Variants in AGL observed in about 807,000 individuals in gnomAD.
AGL encodes amylo-alpha-1,6-glucosidase and 4-alpha-glucanotransferase.
A neutral mutation model predicts 199.3 loss-of-function variants in AGL; 128 were observed. That is an observed-to-expected ratio of 0.64 (90% CI 0.56 to 0.74). The LOEUF (loss-of-function observed/expected upper bound fraction) is 0.74. Among genes scored for constraint, AGL ranks in the 30% least tolerant of loss-of-function variants. AGL has a pLI of 0.00. For synonymous variants in AGL, 584 were observed against 594.7 expected (o/e 0.98, Z 0.26); for missense variants, 1,809 against 1,820.8 (o/e 0.99, Z 0.12).
intron 33 of AGL, among the ~76,000 whole-genome samples, chr1:99,920,062 C>T (rs1655410213): frequency 6.6e-6 from 1 of 152,204 alleles, no homozygotes; most frequent in African/African-American, 2.4e-5. Context: ...GGATACATTC[C>T]ATGTCCTAGT....
rs368822142 is a variant in AGL at position 99,897,075 on chromosome 1, G to A, written c.3362+687G>A. Among the ~76,000 whole-genome samples, 9 of 152,112 alleles carry A rather than the reference G, an allele frequency of 5.9e-5. No homozygotes were observed. The East Asian group carries it at 7.7e-4, about 13-fold the overall frequency. ...TGTGATTTGCCTGCCTCGGCCTCCC[G>A]AAGTGCTGGGATTACAGGCGTGAGC... On this transcript the variant is annotated intron_variant, in intron 25 of 33. Transcript: ENST00000361915.
At position 99,902,775 on chromosome 1, in the gene AGL, T is replaced by G; in HGVS notation, c.3681T>G (p.Asp1227Glu). The G allele has an allele frequency of 6.2e-7, 1 of 1,612,948 alleles. No individual in the cohort carries two copies. Among genetic ancestry groups the G allele is most frequent in the Non-Finnish European group, 8.5e-7 (1 of 1,179,162 alleles). ...AAAGGAATGCTGGTCCCCAGATAGA[T>G]CGAAACATGAAGGACGAAGGTACAG... ...FRERNAGPQI[D>E]RNMKDEGFNI... Residue 1227 changes from aspartate (D) to glutamate (E), a missense_variant, in exon 27 of 34, where the codon GAT becomes GAG. By Grantham distance (45) the Asp-to-Glu change is conservative (BLOSUM62 2). Coordinates refer to ENST00000361915, the MANE Select transcript of AGL (RefSeq NM_000642.3).
chr1:99,859,486 A>G (rs1360630648), intron 2 of AGL, among the ~76,000 whole-genome samples: 1 of 152,112 alleles, frequency 6.6e-6, no homozygotes, highest in Non-Finnish European at 1.5e-5. Flanking sequence ...TTTTTTCCAG[A>G]AGATATTTTA....
At chr1:99,854,397 A>G (rs937321083) in intron 2 of AGL, among the ~76,000 whole-genome samples, 2 of 152,210 alleles carry the variant, frequency 1.3e-5, no homozygotes, top group African/African-American at 4.8e-5. Flanking sequence ...AAAACCGGTA[A>G]ATGTATCCAA....
chr1:99,876,818 T>G (rs1042383653), intron 11 of AGL, among the ~76,000 whole-genome samples: 23 of 152,246 alleles, frequency 1.5e-4, no homozygotes, highest in African/African-American at 5.5e-4. Context: ...ACCTTTTATC[T>G]TCTCAAACAG....
Position 99,900,765 on chromosome 1 carries a change from C to T in AGL, c.3492C>T (p.Tyr1164=), listed in dbSNP as rs370202718. 9 of 1,614,050 alleles carry T rather than the reference C, an allele frequency of 5.6e-6. No individual in the cohort carries two copies. The highest frequency in any genetic ancestry group is 6.8e-6 in the Non-Finnish European group (8 of 1,179,980). The change falls in exon 26 of 34, where the codon TAC becomes TAT. Residue 1164 remains tyrosine (Y), a synonymous_variant. Coordinates refer to ENST00000361915, the MANE Select transcript of AGL (RefSeq NM_000642.3). ...GGTGGCTGCAGTGTATCCAGGATTA[C>T]TGTAAAATGGTTCCAAATGGTCTAG... ...VWWWLQCIQD[Y]CKMVPNGLDI...
At chr1:99,897,597 A>G (rs1201066317) in intron 25 of AGL, among the ~76,000 whole-genome samples, 1 of 152,222 alleles carries the variant, frequency 6.6e-6, no homozygotes, top group Non-Finnish European at 1.5e-5. Context: ...TATTACCATT[A>G]TGGAGCTATA....
intron 25 of AGL, among the ~76,000 whole-genome samples, chr1:99,899,681 C>T (rs938122224): frequency 2.0e-5 from 3 of 151,342 alleles, no homozygotes; most frequent in African/African-American, 4.9e-5. Context: ...AGTGCCGTGG[C>T]GCAATCTCCG....
chr1:99,884,580 A>ATC lies in AGL; in HGVS notation c.2559_2560dup (p.Pro854LeufsTer15). On this transcript the variant is annotated frameshift_variant, in exon 20 of 34. Transcript: ENST00000361915. LOFTEE classifies it high-confidence loss of function. Reference sequence around the variant, plus strand: ...ATTAACATTTTCAGAGTTAGTCTTGATCCACATGCACAAGTCGCTGTTGGA... The same window carrying ATC: ...ATTAACATTTTCAGAGTTAGTCTTGATCTCCACATGCACAAGTCGCTGTTGGA... 1 of 1,613,998 alleles carries ATC rather than the reference A, an allele frequency of 6.2e-7. No homozygotes were observed. The highest frequency in any genetic ancestry group is 8.5e-7 in the Non-Finnish European group (1 of 1,179,968).
intron 21 of AGL, among the ~76,000 whole-genome samples, chr1:99,889,708 C>T (rs34764737): frequency 0.072 from 10,920 of 152,218 alleles, 476 homozygotes; most frequent in South Asian, 0.17. Context: ...AAAGACCAAA[C>T]TTGTGTGTGC....
Position 99,884,138 on chromosome 1 carries a change from T to C in AGL, c.2327T>C (p.Val776Ala). 1 of 1,612,206 alleles carries C rather than the reference T, an allele frequency of 6.2e-7. No homozygotes were observed. The highest frequency in any genetic ancestry group is 8.5e-7 in the Non-Finnish European group (1 of 1,178,640). The change falls in exon 18 of 34, where the codon GTT becomes GCT. Residue 776 changes from valine to alanine, a missense_variant. Transcript: ENST00000361915. ...MCIPGKIEEV[V>A]LEARTIERNT... ...TTCCTAGGCAAAATTGAAGAAGTAG[T>C]TCTTGAAGCTAGAACTATTGAGAGA...
upstream of AGL, among the ~76,000 whole-genome samples, chr1:99,849,498 G>GA (rs1055370568): frequency 8.9e-4 from 136 of 152,162 alleles, no homozygotes; most frequent in Non-Finnish European, 1.6e-3. Flanking sequence ...AATCTCAGAC[G>GA]ATCTCCGGGT....
At chr1:99,879,605 A>AATAG (rs1234961188) in intron 12 of AGL, among the ~76,000 whole-genome samples, 1 of 152,082 alleles carries the variant, frequency 6.6e-6, no homozygotes, top group African/African-American at 2.4e-5. Context: ...TAAATAAATA[A>AATAG]ATAAGCAAAC....
chr1:99,858,369 G>A (rs1164156661), intron 2 of AGL, among the ~76,000 whole-genome samples: 1 of 152,210 alleles, frequency 6.6e-6, no homozygotes, highest in Non-Finnish European at 1.5e-5. Context: ...GAAGGAAATT[G>A]ATGCTTGGAG....
At chr1:99,866,186 G>A (rs1238459307) in intron 5 of AGL, among the ~76,000 whole-genome samples, 1 of 152,138 alleles carries the variant, frequency 6.6e-6, no homozygotes, top group Non-Finnish European at 1.5e-5. Context: ...ATTGAAATCA[G>A]ATTTATCAAA....
In AGL at chr1:99,880,911, C is replaced by T. The variant is rs1651962216; in HGVS notation, c.1899+116C>T. Reference sequence around the variant, plus strand: ...TCAAAATAGTGTCTTAGATTTATAACTGATTTATAATACATAGTTTTCAGA... The same window carrying T: ...TCAAAATAGTGTCTTAGATTTATAATTGATTTATAATACATAGTTTTCAGA... On this transcript the variant is annotated intron_variant, in intron 14 of 33. Coordinates refer to ENST00000361915, the MANE Select transcript of AGL (RefSeq NM_000642.3). 3.0e-6 allele frequency: 4 copies of T among 1,338,478 alleles called. No individual in the cohort carries two copies. In the Admixed American group the frequency reaches 5.2e-5, roughly 17 times the overall value. 82.9% of individuals were successfully genotyped at this position (1,338,478 alleles called of 1,614,324 possible).
chr1:99,897,149 T>C (rs1291955401), intron 25 of AGL, among the ~76,000 whole-genome samples: 1 of 152,130 alleles, frequency 6.6e-6, no homozygotes, highest in Admixed American at 6.5e-5. Flanking sequence ...CACAATAATA[T>C]GAATGAACTT....
intron 28 of AGL, 50 bp downstream of exon 28, chr1:99,910,897 C>T (rs775654145): frequency 6.3e-5 from 99 of 1,576,726 alleles, no homozygotes; most frequent in Non-Finnish European, 8.2e-5. Flanking sequence ...TTTAAGAAAG[C>T]ACTTACTTGT....
intron 7 of AGL, among the ~76,000 whole-genome samples, chr1:99,873,171 A>G (rs1342469411): frequency 2.0e-5 from 3 of 152,048 alleles, no homozygotes; most frequent in Admixed American, 6.6e-5. Flanking sequence ...AATATACCTG[A>G]AATTTATTTT....
Sources: allele counts gnomAD v4.1 joint callset (sites outside exome capture counted in the v4.1 genomes callset), GRCh38; gene constraint gnomAD v4.1.1; transcripts MANE v1.5; gene names NCBI Gene and HGNC (gene_info 2026-07-23, HGNC 2026-07-21).